FAM193A: variants seen among roughly 807,000 people sequenced by gnomAD.
FAM193A encodes the protein family with sequence similarity 193 member A.
In FAM193A, 22 loss-of-function variants were observed where a neutral mutation model predicts 126.5. That is an observed-to-expected ratio of 0.17 (90% CI 0.12 to 0.25). FAM193A has a LOEUF of 0.25. FAM193A is among the 10% of genes least tolerant of loss of function. FAM193A has a pLI of 1.00. For synonymous variants in FAM193A, 761 were observed against 646.8 expected (o/e 1.18, Z -2.68); for missense variants, 1,675 against 1,672.8 (o/e 1.00, Z -0.02).
At chr4:2,673,090 G>A (rs1714005699) in intron 13 of FAM193A, among the ~76,000 whole-genome samples, 1 of 152,174 alleles carries the variant, frequency 6.6e-6, no homozygotes, top group African/African-American at 2.4e-5. Flanking sequence ...TTGGACCTTA[G>A]ATAGCTTTGC....
intron 13 of FAM193A, among the ~76,000 whole-genome samples, chr4:2,688,161 G>C (rs1016097880): frequency 1.3e-5 from 2 of 152,168 alleles, no homozygotes; most frequent in Admixed American, 6.5e-5. Flanking sequence ...AGCAAGGACT[G>C]GGGGAGAAGG....
intron 1 of FAM193A, among the ~76,000 whole-genome samples, chr4:2,545,808 G>C (rs1402105171): frequency 6.6e-6 from 1 of 152,034 alleles, no homozygotes; most frequent in Non-Finnish European, 1.5e-5. Context: ...CAGCCTCCCA[G>C]GTAGCTGGGA....
chr4:2,650,756 A>G (rs1745581998), intron 7 of FAM193A, among the ~76,000 whole-genome samples: 2 of 152,196 alleles, frequency 1.3e-5, no homozygotes, highest in Non-Finnish European at 1.5e-5. Flanking sequence ...TCCCAAGTGC[A>G]TAGGACCCTG....
chr4:2,606,696 T>A (rs973076934), intron 2 of FAM193A, among the ~76,000 whole-genome samples: 3 of 152,214 alleles, frequency 2.0e-5, no homozygotes, highest in Non-Finnish European at 4.4e-5. Flanking sequence ...TTTACTAAGG[T>A]AGACAGATTT....
intron 1 of FAM193A, among the ~76,000 whole-genome samples, chr4:2,542,301 G>A (rs908937884): frequency 2.0e-5 from 3 of 152,014 alleles, no homozygotes; most frequent in Non-Finnish European, 4.4e-5. Context: ...AACCACGCCC[G>A]GCCATTTTTT....
intron 12 of FAM193A, 151 bp from the exon 13 acceptor site, chr4:2,671,970 T>G: frequency 2.7e-6 from 2 of 731,466 alleles, no homozygotes; most frequent in South Asian, 1.8e-5. Flanking sequence ...CTCGTTTTCC[T>G]TGCATGGAAG....
At chr4:2,678,605 C>T (rs982748570) in intron 13 of FAM193A, among the ~76,000 whole-genome samples, 12 of 151,056 alleles carry the variant, frequency 7.9e-5, no homozygotes, top group South Asian at 2.1e-4. Flanking sequence ...TCAAGTGATC[C>T]GCCCGCCTCG....
chr4:2,659,764 A>T (rs768133102), intron 9 of FAM193A, 48 bp from the exon 10 acceptor site: 1 of 1,614,014 alleles, frequency 6.2e-7, no homozygotes, highest in Non-Finnish European at 8.5e-7. Context: ...AGCATGGTCT[A>T]GTCTTGTGCA....
intron 5 of FAM193A, among the ~76,000 whole-genome samples, chr4:2,637,187 C>T (rs1174808852): frequency 1.3e-5 from 2 of 151,988 alleles, no homozygotes; most frequent in Non-Finnish European, 2.9e-5. Context: ...ATTAGCTGAG[C>T]GTGATAGTGT....
At chr4:2,670,858 C>T (rs1208445191) in intron 12 of FAM193A, among the ~76,000 whole-genome samples, 1 of 152,074 alleles carries the variant, frequency 6.6e-6, no homozygotes, top group African/African-American at 2.4e-5. Flanking sequence ...CATTTTTTCC[C>T]TTGAGGGTCC....
chr4:2,635,417 A>G (rs1406941688), intron 5 of FAM193A, among the ~76,000 whole-genome samples: 1 of 152,184 alleles, frequency 6.6e-6, no homozygotes, highest in Non-Finnish European at 1.5e-5. Context: ...TTAAATGCTT[A>G]TTGTCATTTT....
chr4:2,678,937 C>T (rs866815884), intron 13 of FAM193A, among the ~76,000 whole-genome samples: 4 of 152,128 alleles, frequency 2.6e-5, no homozygotes, highest in South Asian at 2.1e-4. Flanking sequence ...CTGTTTGCTC[C>T]GGCTGAAATT....
chr4:2,650,004 C>T (rs1421764753), intron 7 of FAM193A, among the ~76,000 whole-genome samples: 1 of 152,194 alleles, frequency 6.6e-6, no homozygotes, highest in Non-Finnish European at 1.5e-5. Context: ...ATTGTACGCT[C>T]CTCATGAGAA....
intron 10 of FAM193A, among the ~76,000 whole-genome samples, chr4:2,662,110 G>A (rs546751596): frequency 6.6e-6 from 1 of 152,144 alleles, no homozygotes; most frequent in Non-Finnish European, 1.5e-5. Flanking sequence ...GTGAACCTGG[G>A]GGGTGGAGCT....
At chr4:2,556,411 G>T (rs1738263731) in intron 1 of FAM193A, among the ~76,000 whole-genome samples, 1 of 150,846 alleles carries the variant, frequency 6.6e-6, no homozygotes. Context: ...TCACCATGTT[G>T]GCCAGGATGG....
At chr4:2,555,285 T>G (rs990311274) in intron 1 of FAM193A, among the ~76,000 whole-genome samples, 2 of 152,178 alleles carry the variant, frequency 1.3e-5, no homozygotes, top group African/African-American at 4.8e-5. Context: ...CTATATGTCA[T>G]GGGCCTGTAT....
rs1736901949 is a variant in FAM193A at position 2,536,806 on chromosome 4, G to C, written c.-110G>C. The C allele has an allele frequency of 1.0e-5, 1 of 96,334 alleles. No individual in the cohort carries two copies. 6.0% of individuals were successfully genotyped at this position (96,334 alleles called of 1,614,324 possible). Reference sequence around the variant, plus strand: ...GACGCGACCCCGCGCAGCGCCCCCCGGCTGGCCGGAGCGCCCGCCGCCGCG... The same window carrying C: ...GACGCGACCCCGCGCAGCGCCCCCCCGCTGGCCGGAGCGCCCGCCGCCGCG... On this transcript the variant is annotated 5_prime_UTR_variant, in exon 1 of 21. Transcript: ENST00000637812.
chr4:2,585,644 G>C (rs1740191136), intron 1 of FAM193A, among the ~76,000 whole-genome samples: 1 of 151,700 alleles, frequency 6.6e-6, no homozygotes, highest in Admixed American at 6.6e-5. Context: ...TTAAATTTTA[G>C]GCTGGGCATG....
At chr4:2,551,238 C>T (rs1737901731) in intron 1 of FAM193A, among the ~76,000 whole-genome samples, 1 of 152,162 alleles carries the variant, frequency 6.6e-6, no homozygotes, top group Non-Finnish European at 1.5e-5. Context: ...TCCCTTATCT[C>T]AAATGTTTGG....
Sources: gnomAD v4.1 joint callset for allele counts (sites outside exome capture counted in the v4.1 genomes callset) on GRCh38, gnomAD v4.1.1 for gene constraint, MANE v1.5 for transcripts, NCBI Gene and HGNC (gene_info 2026-07-23, HGNC 2026-07-21) for gene names.